Variants in SRD5A3 observed in about 807,000 individuals in gnomAD.
SRD5A3 encodes polyprenal reductase.
In SRD5A3, 24 loss-of-function variants were observed where a neutral mutation model predicts 34.3. That is an observed-to-expected ratio of 0.70 (90% CI 0.51 to 0.99). SRD5A3 has a LOEUF of 0.99. SRD5A3 is among the 50% of genes least tolerant of loss of function. SRD5A3 has a pLI of 0.00. For synonymous variants in SRD5A3, 161 were observed against 167.3 expected, an observed-to-expected ratio of 0.96 and a Z score of 0.29; for missense variants, 350 against 388.2, an observed-to-expected ratio of 0.90 and a Z score of 0.83.
At chr4:55,347,115 G>A (rs1270491057) in intron 1 of SRD5A3, among the ~76,000 whole-genome samples, 1 of 152,246 alleles carries the variant, frequency 6.6e-6, no homozygotes, top group Non-Finnish European at 1.5e-5. Flanking sequence ...CCTGGGGAAG[G>A]TGGCCCAAGG....
intron 1 of SRD5A3, among the ~76,000 whole-genome samples, chr4:55,356,272 G>A (rs963924382): frequency 2.0e-5 from 3 of 152,148 alleles, no homozygotes; most frequent in South Asian, 4.1e-4. Context: ...GCCTCCTAAA[G>A]TGCTGGGATT....
chr4:55,351,692 T>C, intron 1 of SRD5A3: 2 of 333,694 alleles, frequency 6.0e-6, no homozygotes, highest in Non-Finnish European at 1.2e-5. Flanking sequence ...TTAACCATCC[T>C]CAGCTCATAA....
chr4:55,353,637 C>G (rs1180088438), intron 1 of SRD5A3, among the ~76,000 whole-genome samples: 1 of 152,208 alleles, frequency 6.6e-6, no homozygotes, highest in Non-Finnish European at 1.5e-5. Context: ...AGCTGTAACA[C>G]TCACTGCGAA....
chr4:55,356,595 G>A (rs1719470714), intron 1 of SRD5A3, among the ~76,000 whole-genome samples: 1 of 151,844 alleles, frequency 6.6e-6, no homozygotes, highest in Non-Finnish European at 1.5e-5. Context: ...CCGAGTAGCT[G>A]GAACTACAGG....
Position 55,346,375 on chromosome 4 carries a change from C to A in SRD5A3, c.39C>A (p.Asn13Lys). The A allele has an allele frequency of 1.9e-6, 3 of 1,566,328 alleles. No homozygotes were observed. Among genetic ancestry groups the A allele is most frequent in the Admixed American group, 1.8e-5 (1 of 54,340 alleles). The change falls in exon 1 of 5, where the codon AAC (asparagine) becomes AAA (lysine). Residue 13 changes from asparagine (N) to lysine (K), a missense_variant. By Grantham distance (94) the Asn-to-Lys change is moderately conservative. Coordinates refer to ENST00000264228, the MANE Select transcript of SRD5A3 (RefSeq NM_024592.5). ...CGGAGGCCGAGCACTCGGCGCTGAA[C>A]CCGCTGCGCGCGGTGTGGCTCACGC... is the stretch of plus-strand genomic sequence containing the variant. ...PWAEAEHSAL[N>K]PLRAVWLTLT...
intron 2 of SRD5A3, among the ~76,000 whole-genome samples, chr4:55,360,225 A>AC (rs1015094019): frequency 1.4e-5 from 2 of 147,012 alleles, no homozygotes; most frequent in African/African-American, 5.1e-5. Context: ...AAAAAAAAAA[A>AC]AAATTACTTT....
intron 1 of SRD5A3, among the ~76,000 whole-genome samples, chr4:55,349,974 A>G (rs1314168711): frequency 3.3e-5 from 5 of 152,200 alleles, no homozygotes; most frequent in African/African-American, 1.2e-4. Context: ...TTTATATTAC[A>G]TTAAGAATAT....
intron 1 of SRD5A3, chr4:55,352,084 AG>A (rs1194364326): frequency 3.9e-6 from 3 of 776,452 alleles, no homozygotes; most frequent in Admixed American, 1.7e-5. Flanking sequence ...TCTCAATTTC[AG>A]GCATTACACA....
chr4:55,348,301 C>T (rs1312723777), intron 1 of SRD5A3, among the ~76,000 whole-genome samples: 1 of 152,096 alleles, frequency 6.6e-6, no homozygotes, highest in African/African-American at 2.4e-5. Flanking sequence ...AGGTACAAAA[C>T]ATCCAGACCA....
intron 1 of SRD5A3, among the ~76,000 whole-genome samples, chr4:55,348,841 C>A (rs1158460126): frequency 2.0e-5 from 3 of 152,206 alleles, no homozygotes; most frequent in Non-Finnish European, 2.9e-5. Flanking sequence ...AGCTCTTATC[C>A]TCTGGTATAC....
At chr4:55,357,383 T>A (rs527979985) in intron 1 of SRD5A3, among the ~76,000 whole-genome samples, 34 of 152,358 alleles carry the variant, frequency 2.2e-4, no homozygotes, top group Non-Finnish European at 4.3e-4. Context: ...AAGCTATCCC[T>A]CCTGCCTTTT....
At chr4:55,369,774 G>A in intron 4 of SRD5A3, 58 bp from the exon 5 acceptor site, 1 of 1,588,460 alleles carries the variant, frequency 6.3e-7, no homozygotes, top group South Asian at 1.1e-5. Context: ...CGAGTGAAGT[G>A]GTGAAACTTT....
Position 55,369,819 on chromosome 4 carries a change from T to C in SRD5A3, c.698-13T>C. 2 of 1,614,154 alleles carry C rather than the reference T, an allele frequency of 1.2e-6. No individual in the cohort carries two copies. The highest frequency in any genetic ancestry group is 1.7e-6 in the Non-Finnish European group (2 of 1,180,018). On this transcript the variant is annotated splice_polypyrimidine_tract_variant and intron_variant, in intron 4 of 4. Transcript: ENST00000264228. ...CCTTTAAATGCTTATGAGATCTTCT[T>C]TTACCCTTTCAGGAGTGGTCATTCA...
intron 2 of SRD5A3, among the ~76,000 whole-genome samples, chr4:55,363,363 G>A (rs1226416897): frequency 1.3e-5 from 2 of 152,146 alleles, no homozygotes; most frequent in African/African-American, 4.8e-5. Context: ...GAGCTCAGGA[G>A]TTCAAAGCTG....
Position 55,364,138 on chromosome 4 carries a change from A to T in SRD5A3, c.429A>T (p.Arg143Ser). 6.2e-7 allele frequency: 1 copy of T among 1,613,984 alleles called. No individual in the cohort carries two copies. The highest frequency in any genetic ancestry group is 2.2e-5 in the East Asian group (1 of 44,860). Residue 143 changes from arginine to serine, a missense_variant, in exon 3 of 5, where the codon AGA becomes AGT. By Grantham distance (110) the Arg-to-Ser change is moderately radical (BLOSUM62 -1). Around this residue, in one of 3 missense-constraint regions of SRD5A3, gnomAD observed 186 missense variants for 221.4 expected, o/e 0.84. Transcript: ENST00000264228. ...TTCTGTGGCTGCACAGCTTACGAAG[A>T]CTCTTCGAGTGCCTCTACGTCAGTG... ...LVFLWLHSLR[R>S]LFECLYVSVF...
intron 4 of SRD5A3, 91 bp downstream of exon 4, chr4:55,367,813 TTAGTTGACTGTATCA>T: frequency 6.6e-7 from 1 of 1,514,226 alleles, no homozygotes; most frequent in Non-Finnish European, 9.1e-7. Context: ...CCTGCCCTAG[TTAGTTGACTGTATCA>T]AATATTGATT....
At chr4:55,365,062 G>T (rs1202996795) in intron 3 of SRD5A3, among the ~76,000 whole-genome samples, 1 of 152,120 alleles carries the variant, frequency 6.6e-6, no homozygotes. Context: ...TGATTATAAA[G>T]AATTCAAGTC....
chr4:55,347,665 G>A (rs2109458156), intron 1 of SRD5A3, among the ~76,000 whole-genome samples: 1 of 152,276 alleles, frequency 6.6e-6, no homozygotes, highest in Middle Eastern at 3.4e-3. Context: ...AAACATCTGG[G>A]TTGTCGCTTG....
rs535168204 is a variant in SRD5A3 at position 55,348,534 on chromosome 4, A to G, written c.221+1977A>G. Among the ~76,000 whole-genome samples, 4 of 152,240 alleles carry G rather than the reference A, an allele frequency of 2.6e-5. No individual in the cohort carries two copies. The East Asian group carries it at 7.7e-4, about 29-fold the overall frequency. On this transcript the variant is annotated intron_variant, in intron 1 of 4. Coordinates refer to ENST00000264228, the MANE Select transcript of SRD5A3 (RefSeq NM_024592.5). The stretch of plus-strand genomic sequence containing the variant: ...TGTCTTCATTCACAAGATGCTTATC[A>G]CTTTTATCATTTAAAAAAATGTGCT...
Sources: allele counts gnomAD v4.1 joint callset (sites outside exome capture counted in the v4.1 genomes callset), GRCh38; gene constraint gnomAD v4.1.1; regional missense constraint gnomAD v4.1.1; transcripts MANE v1.5; gene names NCBI Gene and HGNC (gene_info 2026-07-23, HGNC 2026-07-21).